The following TGFA variants were observed in gnomAD, a reference collection of about 807,000 sequenced individuals.
TGFA encodes transforming growth factor alpha.
In TGFA, 12 loss-of-function variants were observed where a neutral mutation model predicts 21.7. The observed-to-expected ratio is 0.55, with a 90% confidence interval of 0.35 to 0.90. The LOEUF (loss-of-function observed/expected upper bound fraction) is 0.90. Among genes scored for constraint, TGFA ranks in the 40% least tolerant of loss-of-function variants. The pLI, the probability that TGFA is intolerant of heterozygous loss-of-function variation, is 0.01. For missense variants in TGFA, 178 were observed against 210.8 expected, an observed-to-expected ratio of 0.84 and a Z score of 0.96; for synonymous variants, 79 against 88.1, an observed-to-expected ratio of 0.90 and a Z score of 0.58.
chr2:70,496,879 C>G (rs3849387), intron 2 of TGFA, among the ~76,000 whole-genome samples: 34,879 of 152,006 alleles, frequency 0.23, 5,192 homozygotes, highest in African/African-American at 0.41. Context: ...AATAAACAAA[C>G]GAAATCATTA....
intron 1 of TGFA, among the ~76,000 whole-genome samples, chr2:70,524,759 T>TGATATA (rs1672584688): frequency 6.6e-6 from 1 of 152,188 alleles, no homozygotes; most frequent in Admixed American, 6.5e-5. Flanking sequence ...AAGTGGCAGA[T>TGATATA]GCTATAGCTA....
chr2:70,511,922 C>T (rs566812767), intron 2 of TGFA, among the ~76,000 whole-genome samples: 1 of 150,304 alleles, frequency 6.7e-6, no homozygotes, highest in Non-Finnish European at 1.5e-5. Context: ...CACACACACA[C>T]ACACACACTT....
At chr2:70,478,500 G>GA (rs5832013) in intron 2 of TGFA, among the ~76,000 whole-genome samples, 34 of 147,906 alleles carry the variant, frequency 2.3e-4, no homozygotes, top group East Asian at 1.4e-3. Context: ...GATACCACTG[G>GA]AAAAAAAAAA....
At chr2:70,552,248 G>A (rs897492734) in intron 1 of TGFA, among the ~76,000 whole-genome samples, 2 of 152,170 alleles carry the variant, frequency 1.3e-5, no homozygotes, top group South Asian at 2.1e-4. Context: ...TTCTTTATCC[G>A]GTTGGTGTGA....
intron 5 of TGFA, 138 bp downstream of exon 5, chr2:70,453,079 CT>C (rs112692567): frequency 0.26 from 197,646 of 762,876 alleles, 27,247 homozygotes; most frequent in East Asian, 0.28. Context: ...TAAACTAAAC[CT>C]GACTTGGTAG....
intron 1 of TGFA, among the ~76,000 whole-genome samples, chr2:70,520,127 G>A (rs948584348): frequency 2.0e-4 from 31 of 152,196 alleles, no homozygotes; most frequent in Non-Finnish European, 4.1e-4. Flanking sequence ...CTTCATGTTG[G>A]TCCTGTTTCA....
At chr2:70,451,130 G>A (rs1398914361) in intron 5 of TGFA, among the ~76,000 whole-genome samples, 1 of 152,172 alleles carries the variant, frequency 6.6e-6, no homozygotes. Flanking sequence ...AGATGGGGGG[G>A]AGCGGGGGGA....
intron 2 of TGFA, among the ~76,000 whole-genome samples, chr2:70,502,493 C>A (rs1553499308): frequency 6.6e-6 from 1 of 152,082 alleles, no homozygotes; most frequent in Non-Finnish European, 1.5e-5. Flanking sequence ...GTGTGAGTCA[C>A]CATGCCTGGC....
At chr2:70,479,024 A>G (rs1432479843) in intron 2 of TGFA, among the ~76,000 whole-genome samples, 1 of 152,110 alleles carries the variant, frequency 6.6e-6, no homozygotes, top group Non-Finnish European at 1.5e-5. Context: ...TTTATTTGTC[A>G]TCTGATTTCA....
chr2:70,531,559 C>T (rs1412755600), intron 1 of TGFA, among the ~76,000 whole-genome samples: 1 of 152,208 alleles, frequency 6.6e-6, no homozygotes, highest in Non-Finnish European at 1.5e-5. Context: ...AATGCAAATA[C>T]ACTGCGCTTG....
intron 2 of TGFA, among the ~76,000 whole-genome samples, chr2:70,512,035 G>A (rs1181128524): frequency 6.6e-6 from 1 of 152,076 alleles, no homozygotes; most frequent in African/African-American, 2.4e-5. Context: ...GAGAGTGGGT[G>A]GGATGGGGTG....
intron 2 of TGFA, among the ~76,000 whole-genome samples, chr2:70,507,736 A>G (rs1450162198): frequency 5.3e-5 from 8 of 152,226 alleles, no homozygotes; most frequent in Admixed American, 1.3e-4. Context: ...GTCCATATTC[A>G]CATCCATTAG....
At chr2:70,534,753 A>C (rs2103914260) in intron 1 of TGFA, among the ~76,000 whole-genome samples, 1 of 152,302 alleles carries the variant, frequency 6.6e-6, no homozygotes, top group South Asian at 2.1e-4. Flanking sequence ...CCAGCATGAC[A>C]ACCACCTATG....
At chr2:70,452,355 G>A (rs1553489772) in intron 5 of TGFA, among the ~76,000 whole-genome samples, 2 of 152,132 alleles carry the variant, frequency 1.3e-5, no homozygotes, top group East Asian at 1.9e-4. Context: ...CTGATGCTCC[G>A]AGGAGGCTCC....
At chr2:70,480,071 A>C (rs2103750587) in intron 2 of TGFA, among the ~76,000 whole-genome samples, 1 of 150,704 alleles carries the variant, frequency 6.6e-6, no homozygotes, top group South Asian at 2.1e-4. Context: ...GGGCTAGATA[A>C]AGACAGAAAA....
At chr2:70,498,680 T>C (rs1416165559) in intron 2 of TGFA, among the ~76,000 whole-genome samples, 3 of 152,124 alleles carry the variant, frequency 2.0e-5, no homozygotes, top group Non-Finnish European at 4.4e-5. Flanking sequence ...AGTGAGATCA[T>C]GTCATACATA....
At chr2:70,526,383 T>C (rs1553502994) in intron 1 of TGFA, among the ~76,000 whole-genome samples, 1 of 152,184 alleles carries the variant, frequency 6.6e-6, no homozygotes, top group East Asian at 1.9e-4. Context: ...GATGATGCAT[T>C]TGACTTTCTT....
chr2:70,549,610 GT>G (rs1673423791), intron 1 of TGFA, among the ~76,000 whole-genome samples: 2 of 152,208 alleles, frequency 1.3e-5, no homozygotes, highest in Admixed American at 1.3e-4. Context: ...CTAATTCAGT[GT>G]GTACAAGCCA....
chr2:70,457,784 C>A (rs1413768941), intron 3 of TGFA, among the ~76,000 whole-genome samples: 1 of 152,072 alleles, frequency 6.6e-6, no homozygotes, highest in Non-Finnish European at 1.5e-5. Context: ...TCAGGTGATC[C>A]ACCCACCTCG....
Sources: gnomAD v4.1 joint callset for allele counts (sites outside exome capture counted in the v4.1 genomes callset) on GRCh38, gnomAD v4.1.1 for gene constraint, MANE v1.5 for transcripts, NCBI Gene and HGNC (gene_info 2026-07-23, HGNC 2026-07-21) for gene names.